The following CMIP variants were observed in gnomAD, a reference collection of about 807,000 sequenced individuals.
The protein encoded by CMIP is c-Maf inducing protein.
CMIP carries 13 observed loss-of-function variants against 97.3 expected under a neutral mutation model. The observed-to-expected ratio is 0.13, with a 90% CI of 0.09 to 0.21. The LOEUF (loss-of-function observed/expected upper bound fraction) is 0.21, where lower values mean the gene tolerates loss of function less well. Among genes scored for constraint, CMIP ranks in the 10% least tolerant of loss-of-function variants. The pLI is 1.00. For missense variants in CMIP, 847 were observed against 1,024.9 expected (o/e 0.83, Z 2.37); for synonymous variants, 538 against 436.3 (o/e 1.23, Z -2.91).
At chr16:81,501,125 C>T (rs183544067) in intron 1 of CMIP, among the ~76,000 whole-genome samples, 267 of 152,326 alleles carry the variant, frequency 1.8e-3, no homozygotes, top group Non-Finnish European at 3.0e-3. Flanking sequence ...AACTTCAGGC[C>T]AGCGTCCTCC....
intron 1 of CMIP, among the ~76,000 whole-genome samples, chr16:81,567,721 T>C (rs1440209585): frequency 1.3e-5 from 2 of 152,212 alleles, no homozygotes; most frequent in South Asian, 2.1e-4. Context: ...TCCTCTGCTG[T>C]GTCGTCTGCA....
intron 3 of CMIP, among the ~76,000 whole-genome samples, chr16:81,622,358 A>G (rs1321241362): frequency 1.3e-5 from 2 of 152,166 alleles, no homozygotes; most frequent in Non-Finnish European, 2.9e-5. Flanking sequence ...AGAGCTCTGT[A>G]TCCACTGGGA....
At position 81,628,465 on chromosome 16, in the gene CMIP, TGAATCC is replaced by T. The variant is rs1458545215; in HGVS notation, c.477+7540_477+7545del. ...CCAGTGCCTCACTTACTCACCTTGGTGAATCCTTACAGCCCTGAGGAGGTGCCTGTT... is the reference window on the plus strand; with the variant it reads ...CCAGTGCCTCACTTACTCACCTTGGTTTACAGCCCTGAGGAGGTGCCTGTT... On this transcript the variant is annotated intron_variant, in intron 3 of 20. Transcript: ENST00000537098. 8.5e-5 allele frequency among the ~76,000 whole-genome samples: 13 copies of T among 152,332 alleles called. 1 individual carries two copies. In the South Asian group the frequency reaches 1.2e-3, roughly 15 times the overall value.
intron 1 of CMIP, among the ~76,000 whole-genome samples, chr16:81,508,866 A>G (rs914072095): frequency 1.3e-5 from 2 of 152,184 alleles, no homozygotes; most frequent in East Asian, 1.9e-4. Context: ...GCTTTTGTCA[A>G]CTGTGCACTG....
At chr16:81,654,607 G>A (rs1239557182) in intron 4 of CMIP, among the ~76,000 whole-genome samples, 1 of 152,158 alleles carries the variant, frequency 6.6e-6, no homozygotes, top group Non-Finnish European at 1.5e-5. Flanking sequence ...TGCCTGACCC[G>A]GCATCCACTC....
Position 81,614,727 on chromosome 16 carries a change from ATG to A in CMIP, c.427-6143_427-6142del, listed in dbSNP as rs779714198. 8.7e-5 allele frequency among the ~76,000 whole-genome samples: 13 copies of A among 150,010 alleles called. No homozygotes were observed. Among genetic ancestry groups the A allele is most frequent in the Admixed American group, 2.6e-4 (4 of 15,146 alleles). ...TATGTCTGCATGTGTGTGCGTACAC[ATG>A]TGTGTCTCTGTGAGTGTGTATGTGT... is the stretch of plus-strand genomic sequence containing the variant. On this transcript the variant is annotated intron_variant, in intron 2 of 20. Transcript: ENST00000537098. This position sits in a 1 kb window ranked among gnomAD's most constrained non-coding sequence, Gnocchi z 5.3.
chr16:81,482,162 AGCT>A (rs2089234990), intron 1 of CMIP, among the ~76,000 whole-genome samples: 2 of 152,104 alleles, frequency 1.3e-5, no homozygotes, highest in African/African-American at 4.8e-5. Flanking sequence ...TATAGGCATG[AGCT>A]ACCGGGCCTG....
intron 1 of CMIP, among the ~76,000 whole-genome samples, chr16:81,480,923 G>C (rs1908222477): frequency 1.3e-5 from 2 of 152,130 alleles, no homozygotes; most frequent in South Asian, 4.1e-4. Flanking sequence ...GTGATGTCAG[G>C]GTGGGGTCCA....
At chr16:81,544,974 A>G (rs578120846) in intron 1 of CMIP, among the ~76,000 whole-genome samples, 2 of 152,208 alleles carry the variant, frequency 1.3e-5, no homozygotes, top group South Asian at 2.1e-4. Context: ...GCCAGACTCA[A>G]TCTTTTCATT....
chr16:81,692,907 G>A (rs1446669189), intron 11 of CMIP, among the ~76,000 whole-genome samples: 2 of 152,288 alleles, frequency 1.3e-5, no homozygotes, highest in East Asian at 3.9e-4. Context: ...TTATTCACAG[G>A]TGTGGGCACA....
At position 81,575,387 on chromosome 16, in the gene CMIP, C is replaced by G. The variant is rs77191498; in HGVS notation, c.301-32180C>G. Among the ~76,000 whole-genome samples the G allele has an allele frequency of 6.7e-4, 102 of 152,326 alleles. 1 individual carries two copies. The highest frequency in any genetic ancestry group is 6.0e-4 in the Non-Finnish European group (41 of 68,034). On this transcript the variant is annotated intron_variant, in intron 1 of 20. Coordinates refer to ENST00000537098, the MANE Select transcript of CMIP (RefSeq NM_198390.3). ...ACCATCAGTGGAGACGACTACAAAG[C>G]TGTCACTGGCCCTCCTTTTCTAGCA...
chr16:81,581,418 G>A (rs1461529623), intron 1 of CMIP, among the ~76,000 whole-genome samples: 9 of 152,136 alleles, frequency 5.9e-5, no homozygotes, highest in Admixed American at 5.9e-4. Context: ...CCACAAACCT[G>A]TACAACAGGT....
At chr16:81,584,343 C>T (rs2091345626) in intron 1 of CMIP, among the ~76,000 whole-genome samples, 1 of 152,212 alleles carries the variant, frequency 6.6e-6, no homozygotes, top group African/African-American at 2.4e-5. Flanking sequence ...CCAGCAAGCA[C>T]TCCGTAAATA....
At chr16:81,635,807 C>T (rs535330679) in intron 3 of CMIP, among the ~76,000 whole-genome samples, 1 of 152,132 alleles carries the variant, frequency 6.6e-6, no homozygotes, top group African/African-American at 2.4e-5. Context: ...CAGCTCTGCC[C>T]ATTCCTGCTG....
chr16:81,679,505 G>C (rs1051834653), intron 10 of CMIP, among the ~76,000 whole-genome samples: 1 of 152,130 alleles, frequency 6.6e-6, no homozygotes, highest in Non-Finnish European at 1.5e-5. Context: ...GCATGTGTCT[G>C]AGTGAGTGAC....
intron 1 of CMIP, among the ~76,000 whole-genome samples, chr16:81,560,046 C>T (rs1196924414): frequency 6.6e-6 from 1 of 151,240 alleles, no homozygotes; most frequent in Non-Finnish European, 1.5e-5. Context: ...TACTCAGGAG[C>T]CTGAGGAAGG....
chr16:81,699,903 G>C, intron 15 of CMIP, 102 bp downstream of exon 15: 1 of 759,190 alleles, frequency 1.3e-6, no homozygotes, highest in Non-Finnish European at 2.2e-6. Flanking sequence ...GCAGGCACGG[G>C]GGGCAGTGGG....
chr16:81,542,489 G>C (rs1197150045), intron 1 of CMIP, among the ~76,000 whole-genome samples: 2 of 152,164 alleles, frequency 1.3e-5, no homozygotes, highest in African/African-American at 4.8e-5. Flanking sequence ...TCTGGGAATA[G>C]GGTCTGCAGG....
chr16:81,542,665 T>C (rs2090469944), intron 1 of CMIP, among the ~76,000 whole-genome samples: 1 of 152,004 alleles, frequency 6.6e-6, no homozygotes, highest in South Asian at 2.1e-4. Flanking sequence ...GAGGGCCCTC[T>C]TCCTGGCTTG....
Sources: allele counts gnomAD v4.1 joint callset (sites outside exome capture counted in the v4.1 genomes callset), GRCh38; gene constraint gnomAD v4.1.1; non-coding constraint Gnocchi (gnomAD v3.1); transcripts MANE v1.5; gene names NCBI Gene and HGNC (gene_info 2026-07-23, HGNC 2026-07-21).